RNF150: variants seen among roughly 807,000 people sequenced by gnomAD.
RNF150 encodes the protein ring finger protein 150.
A neutral mutation model predicts 39.3 loss-of-function variants in RNF150; 24 were observed. The ratio of observed to expected loss-of-function variants is 0.61; its 90% CI spans 0.44 to 0.86. The LOEUF is 0.86. Among genes scored for constraint, RNF150 ranks in the 40% least tolerant of loss-of-function variants. The pLI, the probability that RNF150 is intolerant of heterozygous loss-of-function variation, is 0.00. For synonymous variants in RNF150, 255 were observed against 227.3 expected (o/e 1.12, Z -1.10); for missense variants, 502 against 587.8 (o/e 0.85, Z 1.51).
At chr4:141,043,034 C>T (rs1736426617) in intron 1 of RNF150, among the ~76,000 whole-genome samples, 1 of 152,024 alleles carries the variant, frequency 6.6e-6, no homozygotes, top group South Asian at 2.1e-4. Context: ...ACATGTATTT[C>T]AGTGATCAAG....
At position 141,132,484 on chromosome 4, in the gene RNF150, C is replaced by G. The variant is rs1332563115; in HGVS notation, c.325G>C (p.Ala109Pro). Residue 109 changes from alanine to proline, a missense_variant, in exon 1 of 7, where the codon GCC becomes CCC. Physicochemically the swap from Ala to Pro is conservative, Grantham distance 27. Transcript: ENST00000515673. This position sits in a 1 kb window ranked among gnomAD's most constrained non-coding sequence, Gnocchi z 4.9. ...RLACDPNTKF[A>P]APTRGKNWIA... is the part of the protein sequence containing the mutation. Reference sequence around the variant, plus strand: ...CAGTTCTTGCCGCGGGTCGGGGCGGCGAACTTGGTGTTGGGGTCGCAGGCC... The same window carrying G: ...CAGTTCTTGCCGCGGGTCGGGGCGGGGAACTTGGTGTTGGGGTCGCAGGCC... 6.8e-6 allele frequency: 11 copies of G among 1,607,648 alleles called. No individual in the cohort carries two copies. Among genetic ancestry groups the G allele is most frequent in the Non-Finnish European group, 7.6e-6 (9 of 1,177,934 alleles).
intron 1 of RNF150, among the ~76,000 whole-genome samples, chr4:141,168,616 A>G (rs553557740): frequency 5.9e-5 from 9 of 152,342 alleles, no homozygotes; most frequent in Admixed American, 3.3e-4. Flanking sequence ...ATGTAGGCAT[A>G]AAACTAGATG....
intron 1 of RNF150, among the ~76,000 whole-genome samples, chr4:141,026,335 G>T (rs530403034): frequency 6.6e-6 from 1 of 152,194 alleles, no homozygotes. Context: ...TGGAGAGAAT[G>T]ATTTATTCTG....
chr4:140,872,315 T>G (rs576276380), intron 6 of RNF150, among the ~76,000 whole-genome samples: 1 of 152,358 alleles, frequency 6.6e-6, no homozygotes, highest in Non-Finnish European at 1.5e-5. Context: ...TTAGCCCTCA[T>G]TTGATACAAC....
chr4:141,049,680 G>A (rs1736705736), intron 1 of RNF150, among the ~76,000 whole-genome samples: 1 of 152,118 alleles, frequency 6.6e-6, no homozygotes, highest in Non-Finnish European at 1.5e-5. Flanking sequence ...ATAAATTGAA[G>A]ATATCTGGAG....
intron 1 of RNF150, among the ~76,000 whole-genome samples, chr4:141,026,753 C>G (rs1735712388): frequency 6.6e-6 from 1 of 152,114 alleles, no homozygotes; most frequent in Non-Finnish European, 1.5e-5. Context: ...GGCAGTAGAA[C>G]ATCAGTTTGA....
At position 140,898,484 on chromosome 4, in the gene RNF150, G is replaced by A. The variant is rs114631506; in HGVS notation, c.1198+12660C>T. On this transcript the variant is annotated intron_variant, in intron 6 of 6. Coordinates refer to ENST00000515673, the MANE Select transcript of RNF150 (RefSeq NM_020724.2). Reference sequence around the variant, plus strand: ...ATTTATGCTAGATAAAAGCACAGATGTGCATGCATGTCGAAGTACTGCTTT... The same window carrying A: ...ATTTATGCTAGATAAAAGCACAGATATGCATGCATGTCGAAGTACTGCTTT... Among the ~76,000 whole-genome samples, 710 of 152,290 alleles carry A rather than the reference G, an allele frequency of 4.7e-3. 3 individuals are homozygous for A. The highest frequency in any genetic ancestry group is 0.016 in the African/African-American group (681 of 41,556).
At chr4:141,153,892 G>A (rs1727340902) in intron 1 of RNF150, among the ~76,000 whole-genome samples, 1 of 152,196 alleles carries the variant, frequency 6.6e-6, no homozygotes, top group African/African-American at 2.4e-5. Flanking sequence ...ACAGTGTAAT[G>A]TATGGCTAAG....
chr4:140,911,090 C>T (rs1730578162), intron 6 of RNF150, 54 bp downstream of exon 6: 2 of 1,420,850 alleles, frequency 1.4e-6, no homozygotes, highest in African/African-American at 2.9e-5. Context: ...TTTTCCAATT[C>T]CTACAAGGCA....
At chr4:141,111,472 A>G (rs1739381334) in intron 1 of RNF150, among the ~76,000 whole-genome samples, 1 of 152,152 alleles carries the variant, frequency 6.6e-6, no homozygotes, top group South Asian at 2.1e-4. Context: ...ACCATAATGT[A>G]TAAGCTTGCA....
At chr4:141,062,351 A>G (rs913123078) in intron 1 of RNF150, among the ~76,000 whole-genome samples, 1 of 152,096 alleles carries the variant, frequency 6.6e-6, no homozygotes, top group African/African-American at 2.4e-5. Context: ...ATAGGTATGT[A>G]TATGTATATA....
chr4:141,097,039 C>A (rs140503754), intron 1 of RNF150, among the ~76,000 whole-genome samples: 3 of 152,196 alleles, frequency 2.0e-5, no homozygotes, highest in Non-Finnish European at 2.9e-5. Context: ...ATGTCCTCAA[C>A]GGAAAAATGA....
chr4:141,060,754 T>A (rs1044017041), intron 1 of RNF150, among the ~76,000 whole-genome samples: 9 of 152,138 alleles, frequency 5.9e-5, no homozygotes, highest in Non-Finnish European at 1.2e-4. Context: ...TGTCCATCAG[T>A]CATAGACTAG....
chr4:140,959,987 T>C (rs570670320), intron 2 of RNF150, among the ~76,000 whole-genome samples: 86 of 152,214 alleles, frequency 5.6e-4, no homozygotes, highest in African/African-American at 1.9e-3. Flanking sequence ...ATCCCCCACA[T>C]TGGTACCCCC....
chr4:141,023,125 T>G (rs1294279699), intron 1 of RNF150, among the ~76,000 whole-genome samples: 1 of 152,212 alleles, frequency 6.6e-6, no homozygotes, highest in African/African-American at 2.4e-5. Context: ...CAGTATTTGT[T>G]GTGCATCTAC....
At chr4:141,020,993 A>G (rs945890006) in intron 1 of RNF150, among the ~76,000 whole-genome samples, 1 of 152,204 alleles carries the variant, frequency 6.6e-6, no homozygotes, top group Middle Eastern at 3.2e-3. Context: ...AGACCTCAGA[A>G]TAGAACTGGG....
chr4:140,984,039 G>A (rs370232481), intron 1 of RNF150, among the ~76,000 whole-genome samples: 5 of 151,972 alleles, frequency 3.3e-5, no homozygotes, highest in East Asian at 1.9e-4. Context: ...GTGCCCAGCC[G>A]TGTGACTGCA....
intron 4 of RNF150, among the ~76,000 whole-genome samples, chr4:140,941,519 T>A (rs962680457): frequency 6.6e-6 from 1 of 152,224 alleles, no homozygotes; most frequent in African/African-American, 2.4e-5. Flanking sequence ...TTAATCTTCT[T>A]GAAGAATAAC....
At chr4:141,202,358 TA>T (rs951710151) in intron 1 of RNF150, among the ~76,000 whole-genome samples, 39 of 150,650 alleles carry the variant, frequency 2.6e-4, no homozygotes, top group African/African-American at 8.8e-4. Context: ...CCTGGACTGC[TA>T]AAAAAAAATA....
Sources: gnomAD v4.1 joint callset for allele counts (sites outside exome capture counted in the v4.1 genomes callset) on GRCh38, gnomAD v4.1.1 for gene constraint, Gnocchi (gnomAD v3.1) non-coding constraint, MANE v1.5 for transcripts, NCBI Gene and HGNC (gene_info 2026-07-23, HGNC 2026-07-21) for gene names.